METTL21C: variants seen among roughly 807,000 people sequenced by gnomAD.
The protein encoded by METTL21C is methyltransferase 21C, AARS1 lysine.
METTL21C carries 21 observed loss-of-function variants against 25.9 expected under a neutral mutation model. The ratio of observed to expected loss-of-function variants is 0.81; its 90% CI spans 0.58 to 1.17. The LOEUF is 1.17. Ranked by LOEUF, METTL21C falls within the 50% of genes most tolerant of loss-of-function variation. The pLI, the probability that METTL21C is intolerant of heterozygous loss-of-function variation, is 0.00. For synonymous variants in METTL21C, 125 were observed against 124.7 expected, an observed-to-expected ratio of 1.00 and a Z score of -0.01; for missense variants, 312 against 315.1, an observed-to-expected ratio of 0.99 and a Z score of 0.07.
At chr13:102,696,509 T>C (rs1885949748), upstream of METTL21C, among the ~76,000 whole-genome samples, 1 of 152,094 alleles carries the variant, frequency 6.6e-6, no homozygotes, top group African/African-American at 2.4e-5. Context: ...GAAATTAAAG[T>C]ATAATAAAAA....
chr13:102,699,269 A>G (rs1315417906), upstream of METTL21C, among the ~76,000 whole-genome samples: 4 of 152,204 alleles, frequency 2.6e-5, no homozygotes, highest in Non-Finnish European at 2.9e-5. Context: ...AGTCTCCTCC[A>G]GCTATTGCAA....
Position 102,686,306 on chromosome 13 carries a change from C to G in METTL21C, c.520G>C (p.Glu174Gln). Residue 174 changes from glutamate to glutamine, a missense_variant, in exon 4 of 4, where the codon GAA becomes CAA. Physicochemically the swap from Glu to Gln is conservative, Grantham distance 29. Coordinates refer to ENST00000267273, the MANE Select transcript of METTL21C (RefSeq NM_001010977.3). ...LPEVKELVWG[E>Q]DLDKNFPKSA... Reference sequence around the variant, plus strand: ...TTGGGAAAGTTTTTGTCCAGGTCTTCCCCCCATACCAGTTCTTTCACTTCA... The same window carrying G: ...TTGGGAAAGTTTTTGTCCAGGTCTTGCCCCCATACCAGTTCTTTCACTTCA... 1 of 1,614,164 alleles carries G rather than the reference C, an allele frequency of 6.2e-7. No homozygotes were observed. Among genetic ancestry groups the G allele is most frequent in the Non-Finnish European group, 8.5e-7 (1 of 1,180,024 alleles).
rs151077298 is a variant in METTL21C at position 102,687,539 on chromosome 13, C to T, written c.283-482G>A. ...ACTCCTTTACCAAAATTCAGGTTGG[C>T]GAGCACTTTGCCGTATTGAGCGACG... is the stretch of plus-strand genomic sequence containing the variant. On this transcript the variant is annotated intron_variant, in intron 2 of 3. Transcript: ENST00000267273. Among the ~76,000 whole-genome samples the T allele has an allele frequency of 2.2e-3, 338 of 152,306 alleles. 1 individual carries two copies. The highest frequency in any genetic ancestry group is 3.8e-3 in the Non-Finnish European group (257 of 68,026).
chr13:102,685,887 G>T lies in METTL21C; in HGVS notation c.*144C>A. Reference sequence around the variant, plus strand: ...TTATCTTAGAAATTAGAAAGTTTCTGCAGTATTGTTACATTTGTTCCAAGT... The same window carrying T: ...TTATCTTAGAAATTAGAAAGTTTCTTCAGTATTGTTACATTTGTTCCAAGT... On this transcript the variant is annotated 3_prime_UTR_variant, in exon 4 of 4. Coordinates refer to ENST00000267273, the MANE Select transcript of METTL21C (RefSeq NM_001010977.3). 2 of 670,708 alleles carry T rather than the reference G, an allele frequency of 3.0e-6. No individual in the cohort carries two copies. The highest frequency in any genetic ancestry group is 2.4e-6 in the Non-Finnish European group (1 of 424,050). The allele number at this position is 670,708 out of a possible 1,614,324, so 41.5% of individuals were successfully genotyped here.
chr13:102,690,187 G>T (rs1045148330), intron 2 of METTL21C, among the ~76,000 whole-genome samples: 1 of 152,102 alleles, frequency 6.6e-6, no homozygotes, highest in South Asian at 2.1e-4. Context: ...TTGGGAGGCC[G>T]AGGTGGGCAG....
upstream of METTL21C, among the ~76,000 whole-genome samples, chr13:102,697,016 G>A (rs964977048): frequency 3.3e-5 from 5 of 152,150 alleles, no homozygotes; most frequent in Non-Finnish European, 7.4e-5. Context: ...GCATGGCTTC[G>A]GAGGGCACGC....
chr13:102,698,704 C>T (rs77353948), upstream of METTL21C, among the ~76,000 whole-genome samples: 5 of 152,074 alleles, frequency 3.3e-5, no homozygotes, highest in East Asian at 1.9e-4. Context: ...TCAGAACTCT[C>T]GGGGAGATGG....
upstream of METTL21C, among the ~76,000 whole-genome samples, chr13:102,697,653 C>A (rs528525281): frequency 2.6e-5 from 4 of 152,228 alleles, no homozygotes; most frequent in East Asian, 1.9e-4. Context: ...CAGGACCAAC[C>A]CTGAGCTGCA....
chr13:102,703,337 C>T, the METTL21C span, among the ~76,000 whole-genome samples: 1 of 152,206 alleles, frequency 6.6e-6, no homozygotes, highest in Non-Finnish European at 1.5e-5. Flanking sequence ...GTAGCCAGGC[C>T]TGCAGGCCAG....
intron 1 of METTL21C, among the ~76,000 whole-genome samples, chr13:102,692,784 C>T (rs1048602233): frequency 6.6e-6 from 1 of 152,160 alleles, no homozygotes; most frequent in Admixed American, 6.5e-5. Context: ...CAATTCAGTC[C>T]TGAGACCTTG....
chr13:102,694,898 T>TCA lies in METTL21C; in HGVS notation c.-401_-400insTG, dbSNP rs1485209052. Among the ~76,000 whole-genome samples the TCA allele has an allele frequency of 5.5e-3, 783 of 141,702 alleles. 3 individuals are homozygous for TCA. Among genetic ancestry groups the TCA allele is most frequent in the South Asian group, 0.02 (84 of 4,192 alleles). 93.0% of individuals were successfully genotyped at this position (141,702 alleles called of 152,430 possible). A position where few individuals can be genotyped will look rare whatever the true frequency, so the allele number is the denominator to read the frequency against. On this transcript the variant is annotated 5_prime_UTR_variant, in exon 1 of 4. Transcript: ENST00000267273. ...TTCTCTCTCTCTCTCTCTCTCTCTC[T>TCA]CTCACACACACACACACACACACAC...
intron 3 of METTL21C, 95 bp downstream of exon 3, chr13:102,686,845 C>T (rs1225478377): frequency 3.1e-6 from 3 of 958,358 alleles, no homozygotes; most frequent in Non-Finnish European, 4.9e-6. Context: ...GAAGTTAGGG[C>T]CAGGCACCTA....
the METTL21C span, among the ~76,000 whole-genome samples, chr13:102,703,244 T>C: frequency 0.39 from 59,035 of 151,706 alleles, 11,651 homozygotes; most frequent in East Asian, 0.48. Context: ...CCCTCCCTGC[T>C]CTCTTCTGCT....
intron 2 of METTL21C, among the ~76,000 whole-genome samples, chr13:102,689,097 T>C (rs1484031822): frequency 6.6e-6 from 1 of 150,954 alleles, no homozygotes; most frequent in Non-Finnish European, 1.5e-5. Flanking sequence ...TTTTTTAAAA[T>C]TATTATTTTT....
Position 102,686,939 on chromosome 13 carries a change from C to G in METTL21C, c.400+1G>C, listed in dbSNP as rs745579769. On this transcript the variant is annotated splice_donor_variant, in intron 3 of 3. Transcript: ENST00000267273. LOFTEE classifies it high-confidence loss of function. ...ACTAGGTCAGGAATAAACAAACAAA[C>G]CTAAAATACTGGCCACAATGGAAAC... 1 of 1,611,330 alleles carries G rather than the reference C, an allele frequency of 6.2e-7. No individual in the cohort carries two copies.
intron 3 of METTL21C, 128 bp downstream of exon 3, chr13:102,686,812 C>T (rs118160327): frequency 0.047 from 32,740 of 702,774 alleles, 967 homozygotes; most frequent in Middle Eastern, 0.061. Context: ...TGCCGCATGA[C>T]ATTTTGGGGA....
chr13:102,704,208 G>A, the METTL21C span, among the ~76,000 whole-genome samples: 2 of 152,208 alleles, frequency 1.3e-5, no homozygotes, highest in East Asian at 3.8e-4. Context: ...GTGTTTCCCA[G>A]ATGGATATTC....
upstream of METTL21C, among the ~76,000 whole-genome samples, chr13:102,697,481 G>T (rs1885965435): frequency 2.0e-5 from 3 of 152,098 alleles, no homozygotes; most frequent in Admixed American, 1.3e-4. Flanking sequence ...AGCCACCCTG[G>T]GCCAGGCAAA....
At chr13:102,702,430 G>T in the METTL21C span, among the ~76,000 whole-genome samples, 17,241 of 152,038 alleles carry the variant, frequency 0.11, 2,942 homozygotes, top group African/African-American at 0.37. Context: ...GCAAGGAAAT[G>T]AAATAAGAGC....
Sources: allele counts gnomAD v4.1 joint callset (sites outside exome capture counted in the v4.1 genomes callset), GRCh38; gene constraint gnomAD v4.1.1; transcripts MANE v1.5; gene names NCBI Gene and HGNC (gene_info 2026-07-23, HGNC 2026-07-21).